The following MON2 variants were observed in gnomAD, a reference collection of about 807,000 sequenced individuals.
MON2 encodes the protein protein MON2 homolog.
A neutral mutation model predicts 208.6 loss-of-function variants in MON2; 84 were observed. The ratio of observed to expected loss-of-function variants is 0.40; its 90% confidence interval spans 0.34 to 0.48. MON2 has a LOEUF of 0.48. Among genes scored for constraint, MON2 ranks in the 20% least tolerant of loss-of-function variants. The pLI is 0.59. For synonymous variants in MON2, 660 were observed against 694.0 expected (o/e 0.95, Z 0.77); for missense variants, 1,611 against 2,015.4 (o/e 0.80, Z 3.84).
intron 12 of MON2, among the ~76,000 whole-genome samples, chr12:62,534,318 A>C (rs1338561584): frequency 6.6e-6 from 1 of 151,308 alleles, no homozygotes. Context: ...CAGGAGTTTG[A>C]GACCAGCCTG....
intron 19 of MON2, among the ~76,000 whole-genome samples, chr12:62,541,645 G>A (rs73141048): frequency 0.045 from 6,833 of 152,242 alleles, 186 homozygotes; most frequent in Middle Eastern, 0.061. Flanking sequence ...GGAAGAGCTT[G>A]GATTTGAATT....
intron 8 of MON2, among the ~76,000 whole-genome samples, chr12:62,523,086 A>G (rs7976993): frequency 0.045 from 6,892 of 152,272 alleles, 216 homozygotes; most frequent in Non-Finnish European, 0.058. Flanking sequence ...TATGCCACTT[A>G]TGCCACTTGT....
In MON2 at chr12:62,467,237, G is replaced by T. The variant is rs1244508493; in HGVS notation, c.30G>T (p.Val10=). 1 of 1,613,796 alleles carries T rather than the reference G, an allele frequency of 6.2e-7. No homozygotes were observed. The highest frequency in any genetic ancestry group is 1.7e-5 in the Admixed American group (1 of 60,028). The change falls in exon 1 of 35, where the codon GTG becomes GTT. Residue 10 remains valine (V), a synonymous_variant. Coordinates refer to ENST00000393630, the MANE Select transcript of MON2 (RefSeq NM_015026.3). ...CCGGCACCAGCAGCCCCGAGGCGGT[G>T]AAGAAGCTGCTGGAGAATATGCAGA... The part of the protein sequence containing the change: MSGTSSPEA[V]KKLLENMQSD...
intron 26 of MON2, among the ~76,000 whole-genome samples, chr12:62,563,272 A>G (rs1322361364): frequency 2.6e-5 from 4 of 152,164 alleles, no homozygotes; most frequent in South Asian, 4.1e-4. Flanking sequence ...GTTATGTGGG[A>G]TATTTGTAAG....
In MON2 at chr12:62,489,689, A is replaced by C. The variant is rs193027455; in HGVS notation, c.176-4226A>C. Among the ~76,000 whole-genome samples the C allele has an allele frequency of 4.7e-3, 721 of 152,176 alleles. 6 individuals are homozygous for C. Among genetic ancestry groups the C allele is most frequent in the African/African-American group, 0.016 (666 of 41,556 alleles). On this transcript the variant is annotated intron_variant, in intron 2 of 34. Transcript: ENST00000393630. Reference sequence around the variant, plus strand: ...TTTTTCTTTTGCAAAATTACTAACCAATTGAACCAACATCATTTGTTAAAT... The same window carrying C: ...TTTTTCTTTTGCAAAATTACTAACCCATTGAACCAACATCATTTGTTAAAT...
intron 1 of MON2, chr12:62,482,479 T>G (rs2069505825): frequency 6.6e-6 from 1 of 152,234 alleles, no homozygotes; most frequent in Non-Finnish European, 1.5e-5. Flanking sequence ...TAGCAAGCAG[T>G]AAGAGATAAA....
chr12:62,508,179 A>T, intron 7 of MON2, 107 bp from the exon 8 acceptor site: 1 of 764,996 alleles, frequency 1.3e-6, no homozygotes. Context: ...CTAAATTATT[A>T]ATACTGGTTA....
At position 62,568,297 on chromosome 12, in the gene MON2, A is replaced by G. The variant is rs78475050; in HGVS notation, c.4323+1847A>G. Among the ~76,000 whole-genome samples, 58 of 152,310 alleles carry G rather than the reference A, an allele frequency of 3.8e-4. No homozygotes were observed. The East Asian group carries it at 7.7e-3, about 20-fold the overall frequency. ...TAAGATCAGACTTTATTCTTTAACC[A>G]TTGAAGGATTAAACACTACAAAGTA... On this transcript the variant is annotated intron_variant, in intron 29 of 34. Coordinates refer to ENST00000393630, the MANE Select transcript of MON2 (RefSeq NM_015026.3).
intron 8 of MON2, among the ~76,000 whole-genome samples, chr12:62,513,433 C>T (rs1157049512): frequency 6.6e-6 from 1 of 151,886 alleles, no homozygotes; most frequent in Non-Finnish European, 1.5e-5. Context: ...GCCATGTTGG[C>T]CAGGCTGGTC....
rs769123919 is a variant in MON2 at position 62,566,341 on chromosome 12, A to G, written c.4214A>G (p.Asn1405Ser). The G allele has an allele frequency of 1.9e-6, 3 of 1,612,864 alleles. No individual in the cohort carries two copies. Among genetic ancestry groups the G allele is most frequent in the Non-Finnish European group, 2.5e-6 (3 of 1,179,550 alleles). Residue 1405 changes from asparagine to serine, a missense_variant, in exon 29 of 35, where the codon AAT becomes AGT. Physicochemically the swap from Asn to Ser is conservative, Grantham distance 46. Coordinates refer to ENST00000393630, the MANE Select transcript of MON2 (RefSeq NM_015026.3). ...LFAPAEWVAL[N>S]YVPFAERSLE... ...TTCTAGGCGGAATGGGTAGCCTTGA[A>G]TTATGTGCCGTTTGCTGAAAGGTCT...
chr12:62,495,217 A>C, intron 4 of MON2, 70 bp downstream of exon 4: 1 of 1,415,626 alleles, frequency 7.1e-7, no homozygotes, highest in Non-Finnish European at 9.5e-7. Context: ...CTGAAAGAGA[A>C]AAGCTTGGTG....
At chr12:62,576,159 AT>A (rs1183884696) in intron 30 of MON2, among the ~76,000 whole-genome samples, 2 of 152,196 alleles carry the variant, frequency 1.3e-5, no homozygotes. Context: ...GTGCTAATGC[AT>A]GCTCAAACAT....
At chr12:62,554,671 T>A (rs1384119813) in intron 24 of MON2, among the ~76,000 whole-genome samples, 3 of 152,008 alleles carry the variant, frequency 2.0e-5, no homozygotes, top group South Asian at 2.1e-4. Flanking sequence ...ATTTTTAAAA[T>A]TTTTTTTGTA....
At chr12:62,524,383 C>G (rs901566913) in intron 8 of MON2, 132 bp from the exon 9 acceptor site, 8 of 643,632 alleles carry the variant, frequency 1.2e-5, no homozygotes, top group African/African-American at 9.1e-5. Flanking sequence ...TCTCCACTCC[C>G]CATTAAGAGT....
At position 62,537,218 on chromosome 12, in the gene MON2, G is replaced by A. The variant is rs1266738858; in HGVS notation, c.1968G>A (p.Val656=). The A allele has an allele frequency of 7.4e-6, 12 of 1,613,538 alleles. No individual in the cohort carries two copies. The highest frequency in any genetic ancestry group is 1.0e-5 in the Non-Finnish European group (12 of 1,179,614). Residue 656 remains valine, a synonymous_variant, in exon 15 of 35, where the codon GTG becomes GTA. Coordinates refer to ENST00000393630, the MANE Select transcript of MON2 (RefSeq NM_015026.3). Reference sequence around the variant, plus strand: ...CAAGTGAATCTCACCAACAAGTTGTGGCAGTGGGTCAACCTTTAGCAGTCC... The same window carrying A: ...CAAGTGAATCTCACCAACAAGTTGTAGCAGTGGGTCAACCTTTAGCAGTCC... ...SPSSESHQQV[V]AVGQPLAVQP...
intron 30 of MON2, among the ~76,000 whole-genome samples, chr12:62,575,165 A>G (rs2074729969): frequency 3.9e-5 from 6 of 152,184 alleles, no homozygotes; most frequent in Admixed American, 3.9e-4. Flanking sequence ...GAGTAATTGT[A>G]AAGGTCCATG....
chr12:62,537,126 A>G, intron 14 of MON2, 25 bp from the exon 15 acceptor site: 2 of 1,353,890 alleles, frequency 1.5e-6, no homozygotes, highest in Non-Finnish European at 2.1e-6. Context: ...TATTTTAATT[A>G]TTTAGGCTTT....
chr12:62,498,460 T>C (rs1216717369), intron 4 of MON2, among the ~76,000 whole-genome samples: 1 of 152,084 alleles, frequency 6.6e-6, no homozygotes, highest in Non-Finnish European at 1.5e-5. Flanking sequence ...ATTATATAAG[T>C]TTAAGGGATT....
At chr12:62,546,659 C>T (rs1477854785) in intron 21 of MON2, among the ~76,000 whole-genome samples, 1 of 152,086 alleles carries the variant, frequency 6.6e-6, no homozygotes, top group Non-Finnish European at 1.5e-5. Flanking sequence ...GAGACTGAAG[C>T]AGGAGGATCA....
Sources: gnomAD v4.1 joint callset for allele counts (sites outside exome capture counted in the v4.1 genomes callset) on GRCh38, gnomAD v4.1.1 for gene constraint, MANE v1.5 for transcripts, NCBI Gene and HGNC (gene_info 2026-07-23, HGNC 2026-07-21) for gene names.